Variants in ATAD2B observed in about 807,000 individuals in gnomAD.
ATAD2B encodes the protein ATPase family AAA domain containing 2B.
Under a neutral mutation model 167.6 loss-of-function variants are expected in ATAD2B, and 40 were observed. That is an observed-to-expected ratio of 0.24 (90% CI 0.19 to 0.31). The LOEUF (loss-of-function observed/expected upper bound fraction) is 0.31, where lower values mean the gene tolerates loss of function less well. Among genes scored for constraint, ATAD2B ranks in the 10% least tolerant of loss-of-function variants. The pLI is 1.00. For missense variants in ATAD2B, 1,242 were observed against 1,757.2 expected (o/e 0.71, Z 5.24); for synonymous variants, 579 against 596.5 (o/e 0.97, Z 0.43).
At chr2:23,837,441 C>T (rs527734394) in intron 13 of ATAD2B, among the ~76,000 whole-genome samples, 4 of 152,328 alleles carry the variant, frequency 2.6e-5, no homozygotes, top group South Asian at 4.1e-4. Context: ...CCCAGGCCCC[C>T]GCAAGAGCAC....
At chr2:23,684,327 A>C in the ATAD2B span, 1 of 1,192,624 alleles carries the variant, frequency 8.4e-7, no homozygotes, top group Non-Finnish European at 1.1e-6. The surrounding 1 kb of genome is among the most constrained non-coding windows in gnomAD (Gnocchi z 4.4). Context: ...AAAAGAAAAA[A>C]AACTTTTTTT....
At chr2:23,877,195 G>A (rs148881869) in intron 7 of ATAD2B, among the ~76,000 whole-genome samples, 1 of 151,738 alleles carries the variant, frequency 6.6e-6, no homozygotes, top group East Asian at 1.9e-4. Context: ...GGACTGCTTT[G>A]AGCCCAGGAG....
intron 7 of ATAD2B, 107 bp from the exon 8 acceptor site, chr2:23,876,011 T>C (rs1268013332): frequency 8.1e-6 from 7 of 860,368 alleles, no homozygotes; most frequent in Non-Finnish European, 1.3e-5. Flanking sequence ...TTGTTGTTTT[T>C]TGAGACAGAG....
chr2:23,832,135 C>G, intron 14 of ATAD2B: 1 of 435,224 alleles, frequency 2.3e-6, no homozygotes, highest in Non-Finnish European at 4.8e-6. Flanking sequence ...CATGGTTAAT[C>G]ACACCCTCCT....
At chr2:23,909,209 A>C (rs1701911546) in intron 1 of ATAD2B, among the ~76,000 whole-genome samples, 1 of 151,938 alleles carries the variant, frequency 6.6e-6, no homozygotes, top group Admixed American at 6.6e-5. Flanking sequence ...ATCAAGAAAA[A>C]TGAAATAAGC....
chr2:23,912,516 C>T (rs1019651637), intron 1 of ATAD2B, among the ~76,000 whole-genome samples: 9 of 149,382 alleles, frequency 6.0e-5, no homozygotes, highest in East Asian at 3.9e-4. Flanking sequence ...CAAAAAAAAA[C>T]GAAAGGAAAA....
the ATAD2B span, among the ~76,000 whole-genome samples, chr2:23,735,034 C>T: frequency 0.039 from 5,898 of 152,262 alleles, 110 homozygotes; most frequent in Admixed American, 0.046. Context: ...TCACATATTA[C>T]TGCCAAATTA....
intron 13 of ATAD2B, among the ~76,000 whole-genome samples, chr2:23,839,497 C>G (rs1690535900): frequency 6.6e-6 from 1 of 152,010 alleles, no homozygotes; most frequent in Admixed American, 6.6e-5. Context: ...TTGAGGTGAT[C>G]ATCTTGATTT....
At chr2:23,691,926 C>T in the ATAD2B span, 46 of 1,508,026 alleles carry the variant, frequency 3.1e-5, no homozygotes, top group Admixed American at 7.1e-4. Flanking sequence ...TGCAGATGGG[C>T]GGAGAACTCC....
At chr2:23,848,944 C>A (rs1692116487) in intron 13 of ATAD2B, among the ~76,000 whole-genome samples, 1 of 151,960 alleles carries the variant, frequency 6.6e-6, no homozygotes, top group Non-Finnish European at 1.5e-5. Flanking sequence ...ATATTGTGTA[C>A]ATACATATAG....
intron 13 of ATAD2B, among the ~76,000 whole-genome samples, chr2:23,836,194 C>T (rs2149768193): frequency 6.6e-6 from 1 of 152,308 alleles, no homozygotes; most frequent in East Asian, 1.9e-4. Flanking sequence ...AGCCACTGCA[C>T]ACAGTCTGGC....
chr2:23,754,755 T>A lies in ATAD2B; in HGVS notation c.4098A>T (p.Lys1366Asn), dbSNP rs1001950537. Reference protein sequence around the residue: ...LDKEGASKVKKYRKLILEQAK... With the variant: ...LDKEGASKVKNYRKLILEQAK... ...CCTGCTCTAAAATTAATTTACGGTA[T>A]TTCTTTACTTTAGAAGCACCTATAA... Residue 1366 changes from lysine (K) to asparagine (N), a missense_variant, in exon 26 of 28, where the codon AAA becomes AAT. Physicochemically the swap from Lys to Asn is moderately conservative, Grantham distance 94. Around this residue, in one of 9 missense-constraint regions of ATAD2B, gnomAD observed 282 missense variants for 346.8 expected, o/e 0.81. Coordinates refer to ENST00000238789, the MANE Select transcript of ATAD2B (RefSeq NM_017552.4). The A allele has an allele frequency of 4.3e-6, 7 of 1,612,162 alleles. No individual in the cohort carries two copies. The Admixed American group carries it at 1.0e-4, about 23-fold the overall frequency.
chr2:23,791,513 C>G (rs562419203), intron 19 of ATAD2B, among the ~76,000 whole-genome samples: 1 of 151,410 alleles, frequency 6.6e-6, no homozygotes, highest in African/African-American at 2.4e-5. Flanking sequence ...AACGCAATTA[C>G]TCTTGCCCAA....
At chr2:23,906,164 C>T (rs945233226) in intron 1 of ATAD2B, among the ~76,000 whole-genome samples, 3 of 151,910 alleles carry the variant, frequency 2.0e-5, no homozygotes, top group Admixed American at 6.6e-5. Flanking sequence ...TGGTGAAACC[C>T]TGTCTCTACT....
chr2:23,788,364 G>T, intron 20 of ATAD2B, 148 bp downstream of exon 20: 1 of 848,062 alleles, frequency 1.2e-6, no homozygotes, highest in Non-Finnish European at 1.8e-6. Flanking sequence ...TGAACACAAT[G>T]GACACTTCCA....
At chr2:23,798,382 C>T (rs1682932367) in intron 18 of ATAD2B, 59 bp from the exon 19 acceptor site, 1 of 1,305,120 alleles carries the variant, frequency 7.7e-7, no homozygotes, top group Admixed American at 2.4e-5. Flanking sequence ...AAAGTCTACC[C>T]AGTAATCTCC....
the ATAD2B span, chr2:23,706,377 C>T: frequency 1.1e-6 from 1 of 909,790 alleles, no homozygotes; most frequent in Non-Finnish European, 1.5e-6. Context: ...ATGCCTTCTG[C>T]AAAAGGCACA....
chr2:23,721,638 T>C, the ATAD2B span, among the ~76,000 whole-genome samples: 1 of 151,576 alleles, frequency 6.6e-6, no homozygotes, highest in Admixed American at 6.6e-5. Context: ...GAAGCAGCCC[T>C]CTGGGCCACC....
chr2:23,921,280 T>C (rs1703900257), intron 1 of ATAD2B, among the ~76,000 whole-genome samples: 1 of 128,920 alleles, frequency 7.8e-6, no homozygotes, highest in Non-Finnish European at 1.6e-5. Flanking sequence ...ATGAAACGGA[T>C]AATGCACACA....
Sources: allele counts gnomAD v4.1 joint callset (sites outside exome capture counted in the v4.1 genomes callset), GRCh38; gene constraint gnomAD v4.1.1; regional missense constraint gnomAD v4.1.1; non-coding constraint Gnocchi (gnomAD v3.1); transcripts MANE v1.5; gene names NCBI Gene and HGNC (gene_info 2026-07-23, HGNC 2026-07-21).